Variants in CLSTN1 observed in about 807,000 individuals in gnomAD.
CLSTN1 encodes the protein calsyntenin 1, also known as calsyntenin-1.
Under a neutral mutation model 108.3 loss-of-function variants are expected in CLSTN1, and 28 were observed. That is an observed-to-expected ratio of 0.26 (90% CI 0.19 to 0.35). The LOEUF is 0.35. CLSTN1 is among the 10% of genes least tolerant of loss of function. The pLI is 1.00. For synonymous variants in CLSTN1, 524 were observed against 534.9 expected (o/e 0.98, Z 0.28); for missense variants, 1,157 against 1,302.6 (o/e 0.89, Z 1.72).
chr1:9,782,775 G>A (rs1653307789), intron 1 of CLSTN1, among the ~76,000 whole-genome samples: 1 of 152,188 alleles, frequency 6.6e-6, no homozygotes, highest in South Asian at 2.1e-4. Context: ...GGGAGGCCAA[G>A]GCAAGCAGAT....
chr1:9,805,139 A>C (rs796187662), intron 1 of CLSTN1, among the ~76,000 whole-genome samples: 9 of 152,260 alleles, frequency 5.9e-5, no homozygotes, highest in African/African-American at 1.4e-4. Flanking sequence ...AAAAGAAAAG[A>C]AAGCAAGGGG....
chr1:9,770,561 T>C (rs959971001), intron 2 of CLSTN1, among the ~76,000 whole-genome samples: 20 of 152,336 alleles, frequency 1.3e-4, no homozygotes, highest in South Asian at 6.2e-4. Context: ...ATAGCTTAAC[T>C]ATTCTGTGCC....
At chr1:9,793,601 G>C (rs1332302555) in intron 1 of CLSTN1, among the ~76,000 whole-genome samples, 1 of 151,544 alleles carries the variant, frequency 6.6e-6, no homozygotes, top group Admixed American at 6.7e-5. Flanking sequence ...TGTAAGCAAA[G>C]AAGGGAGGTT....
At chr1:9,782,880 G>A (rs186548594) in intron 1 of CLSTN1, among the ~76,000 whole-genome samples, 5 of 152,310 alleles carry the variant, frequency 3.3e-5, no homozygotes, top group Admixed American at 2.6e-4. Context: ...GGTGGCACAC[G>A]CCTATAATCC....
rs1557732199 is a variant in CLSTN1 at position 9,823,649 on chromosome 1, C to T, written c.85G>A (p.Ala29Thr). 8.5e-7 allele frequency: 1 copy of T among 1,177,968 alleles called. No homozygotes were observed. The highest frequency in any genetic ancestry group is 2.2e-4 in the Middle Eastern group (1 of 4,450). 73.0% of individuals were successfully genotyped at this position (1,177,968 alleles called of 1,614,324 possible). Residue 29 changes from alanine to threonine, a missense_variant, in exon 1 of 19, where the codon GCG becomes ACG. Transcript: ENST00000377298. The surrounding 1 kb of genome is among the most constrained non-coding windows in gnomAD (Gnocchi z 6.3). ...GCCCAGCCCCGGGGCTTACCTCGCG[C>T]GGCCCAGACCCCGCCGCCGCACAGC... The part of the protein sequence containing the change: ...GLLCGGGVWA[A>T]RVNKHKPWLE...
intron 1 of CLSTN1, among the ~76,000 whole-genome samples, chr1:9,796,616 G>A (rs1250308399): frequency 6.7e-6 from 1 of 149,850 alleles, no homozygotes; most frequent in Non-Finnish European, 1.5e-5. Flanking sequence ...CCTGAGAGGC[G>A]GAGCTTGCAG....
Position 9,749,988 on chromosome 1 carries a change from C to T in CLSTN1, c.650-75G>A, listed in dbSNP as rs186485413. 3,137 of 1,252,464 alleles carry T rather than the reference C, an allele frequency of 2.5e-3. 85 individuals carry two copies. The South Asian group carries it at 0.034, about 14-fold the overall frequency. 77.6% of individuals were successfully genotyped at this position (1,252,464 alleles called of 1,614,324 possible). A position where few individuals can be genotyped will look rare whatever the true frequency, so the allele number is the denominator to read the frequency against. ...ACTTTTGTTGTCCTAGGCGGAAAGA[C>T]AAAATGCATAGGCTTTAAGCCCTGT... On this transcript the variant is annotated intron_variant, in intron 5 of 18. Transcript: ENST00000377298.
chr1:9,762,214 C>A (rs1293012062), intron 2 of CLSTN1, among the ~76,000 whole-genome samples: 3 of 152,152 alleles, frequency 2.0e-5, no homozygotes, highest in Non-Finnish European at 4.4e-5. Flanking sequence ...GTAATCCCAG[C>A]ATTTTGGGAG....
chr1:9,755,091 C>A, intron 4 of CLSTN1, 23 bp downstream of exon 4: 1 of 1,594,880 alleles, frequency 6.3e-7, no homozygotes, highest in African/African-American at 1.3e-5. Context: ...GGGTTATGTT[C>A]ACTCTTTGTC....
At chr1:9,766,994 T>C (rs1284245512) in intron 2 of CLSTN1, among the ~76,000 whole-genome samples, 1 of 152,246 alleles carries the variant, frequency 6.6e-6, no homozygotes, top group African/African-American at 2.4e-5. Context: ...GGGATCACAC[T>C]ATGAACTGGA....
At position 9,733,471 on chromosome 1, in the gene CLSTN1, A is replaced by G; in HGVS notation, c.2357T>C (p.Leu786Pro). 1.9e-6 allele frequency: 3 copies of G among 1,614,198 alleles called. No homozygotes were observed. The highest frequency in any genetic ancestry group is 2.5e-6 in the Non-Finnish European group (3 of 1,180,038). Residue 786 changes from leucine (L) to proline (P), a missense_variant, in exon 16 of 19, where the codon CTT becomes CCT. Transcript: ENST00000377298. ...RYRNWHARSL[L>P]DRKFKLICSE... ...GCAGATGAGCTTAAACTTCCGGTCA[A>G]GCAAGGACCTGGCATGCCAGTTCCG...
At chr1:9,802,790 C>T (rs1315189299) in intron 1 of CLSTN1, among the ~76,000 whole-genome samples, 8 of 150,468 alleles carry the variant, frequency 5.3e-5, no homozygotes, top group African/African-American at 1.9e-4. Context: ...TTCTAGAATT[C>T]TAGCCATATA....
intron 1 of CLSTN1, among the ~76,000 whole-genome samples, chr1:9,785,890 T>A (rs1653463558): frequency 6.6e-6 from 1 of 151,982 alleles, no homozygotes; most frequent in African/African-American, 2.4e-5. Context: ...TAAAAACACA[T>A]TAAGGCCGGG....
At chr1:9,772,828 C>G (rs1206461912) in intron 2 of CLSTN1, among the ~76,000 whole-genome samples, 4 of 152,168 alleles carry the variant, frequency 2.6e-5, no homozygotes, top group Non-Finnish European at 5.9e-5. Context: ...TCATTGAAAT[C>G]TAGGTAATGC....
At chr1:9,739,917 C>T (rs567477355) in intron 10 of CLSTN1, among the ~76,000 whole-genome samples, 45 of 150,720 alleles carry the variant, frequency 3.0e-4, no homozygotes, top group African/African-American at 8.8e-4. Flanking sequence ...CCTGGGTTCA[C>T]GCCATTCTCC....
chr1:9,760,429 C>T (rs1330969408), intron 2 of CLSTN1, among the ~76,000 whole-genome samples: 2 of 152,140 alleles, frequency 1.3e-5, no homozygotes, highest in African/African-American at 4.8e-5. Context: ...AGTACGCCTA[C>T]CTCAAGGGGC....
At chr1:9,808,336 G>A (rs914178720) in intron 1 of CLSTN1, among the ~76,000 whole-genome samples, 1 of 152,186 alleles carries the variant, frequency 6.6e-6, no homozygotes, top group African/African-American at 2.4e-5. Flanking sequence ...GAGCGTGAAC[G>A]CATGTGCATG....
At chr1:9,740,893 G>A (rs1650945663) in intron 10 of CLSTN1, among the ~76,000 whole-genome samples, 1 of 152,154 alleles carries the variant, frequency 6.6e-6, no homozygotes, top group Admixed American at 6.5e-5. Flanking sequence ...TCACCTTTAT[G>A]GAGCACCTAC....
At chr1:9,810,443 TC>T (rs1654705010) in intron 1 of CLSTN1, among the ~76,000 whole-genome samples, 1 of 151,140 alleles carries the variant, frequency 6.6e-6, no homozygotes, top group African/African-American at 2.4e-5. Context: ...GCCACTGCAC[TC>T]CAGGCTGGGC....
Sources: gnomAD v4.1 joint callset for allele counts (sites outside exome capture counted in the v4.1 genomes callset) on GRCh38, gnomAD v4.1.1 for gene constraint, Gnocchi (gnomAD v3.1) non-coding constraint, MANE v1.5 for transcripts, NCBI Gene and HGNC (gene_info 2026-07-23, HGNC 2026-07-21) for gene names.